DCDC1: variants seen among roughly 807,000 people sequenced by gnomAD.
DCDC1 encodes the protein doublecortin domain-containing protein 1.
Under a neutral mutation model 178.3 loss-of-function variants are expected in DCDC1, and 200 were observed. That is an observed-to-expected ratio of 1.12 (90% CI 1.00 to 1.26). The LOEUF (loss-of-function observed/expected upper bound fraction) is 1.26. DCDC1 is among the 50% of genes most tolerant of loss of function. The pLI is 0.00. For synonymous variants in DCDC1, 690 were observed against 604.8 expected, an observed-to-expected ratio of 1.14 and a Z score of -2.07; for missense variants, 1,983 against 1,749.2, an observed-to-expected ratio of 1.13 and a Z score of -2.38.
intron 9 of DCDC1, among the ~76,000 whole-genome samples, chr11:31,215,554 G>A (rs562304555): frequency 6.6e-6 from 1 of 151,244 alleles, no homozygotes; most frequent in Non-Finnish European, 1.5e-5. Context: ...TAGCACTTTG[G>A]GAGGCCAAGG....
Position 30,886,056 on chromosome 11 carries a change from G to A in DCDC1, c.5083-4748C>T, listed in dbSNP as rs577794025. ...TGTTAAATTATATGGGGAAAAAGTGGCAATAAGTGAACAGACCAACTTGTA... is the reference window on the plus strand; with the variant it reads ...TGTTAAATTATATGGGGAAAAAGTGACAATAAGTGAACAGACCAACTTGTA... On this transcript the variant is annotated intron_variant, in intron 36 of 38. Coordinates refer to ENST00000684477, the MANE Select transcript of DCDC1 (RefSeq NM_001387274.1). 4.6e-5 allele frequency among the ~76,000 whole-genome samples: 7 copies of A among 151,980 alleles called. No homozygotes were observed. The South Asian group carries it at 1.0e-3, about 23-fold the overall frequency.
At chr11:31,220,093 C>A (rs1409060009) in intron 9 of DCDC1, among the ~76,000 whole-genome samples, 2 of 152,112 alleles carry the variant, frequency 1.3e-5, no homozygotes, top group African/African-American at 2.4e-5. Flanking sequence ...ATAACAATAA[C>A]CCTATATTCT....
intron 20 of DCDC1, among the ~76,000 whole-genome samples, chr11:30,998,105 G>C (rs891391026): frequency 6.6e-6 from 1 of 151,952 alleles, no homozygotes; most frequent in Non-Finnish European, 1.5e-5. Context: ...ACCAGTCTGG[G>C]CAACATAGTG....
intron 7 of DCDC1, among the ~76,000 whole-genome samples, chr11:31,270,607 CCT>C (rs1945483405): frequency 6.6e-6 from 1 of 152,152 alleles, no homozygotes; most frequent in African/African-American, 2.4e-5. Context: ...TAGGCTTTCC[CCT>C]GAGGTCACTA....
At chr11:31,348,568 A>C (rs756435522) in intron 1 of DCDC1, among the ~76,000 whole-genome samples, 13 of 152,132 alleles carry the variant, frequency 8.5e-5, no homozygotes, top group Non-Finnish European at 7.3e-5. Flanking sequence ...TCACCTATTT[A>C]ATTGCCAGTT....
intron 11 of DCDC1, 84 bp downstream of exon 11, chr11:31,127,385 G>C: frequency 3.6e-6 from 2 of 557,814 alleles, no homozygotes; most frequent in South Asian, 4.8e-5. Flanking sequence ...TTCAAGCTAA[G>C]TGGCATTGTT....
At chr11:30,894,685 T>G (rs1944064223) in intron 34 of DCDC1, among the ~76,000 whole-genome samples, 1 of 152,178 alleles carries the variant, frequency 6.6e-6, no homozygotes, top group Admixed American at 6.6e-5. Context: ...CAGCAGTAAT[T>G]TAGTCAAATA....
intron 8 of DCDC1, among the ~76,000 whole-genome samples, chr11:31,259,690 C>T (rs1944653691): frequency 6.6e-6 from 1 of 152,144 alleles, no homozygotes; most frequent in Non-Finnish European, 1.5e-5. Flanking sequence ...GTCAATTTTT[C>T]CCTCAAGATA....
At position 31,341,432 on chromosome 11, in the gene DCDC1, T is replaced by G. The variant is rs867406527; in HGVS notation, c.-124-5868A>C. Among the ~76,000 whole-genome samples the G allele has an allele frequency of 3.6e-5, 5 of 139,536 alleles. No homozygotes were observed. In the South Asian group the frequency reaches 1.1e-3, roughly 32 times the overall value. The allele number at this position is 139,536 out of a possible 152,430, so 91.5% of individuals were successfully genotyped here. Reference sequence around the variant, plus strand: ...ATAGATAGATAGATAGATAGATAGATAGATAGACATGTGTTGCTTAACAAC... The same window carrying G: ...ATAGATAGATAGATAGATAGATAGAGAGATAGACATGTGTTGCTTAACAAC... On this transcript the variant is annotated intron_variant, in intron 1 of 38. Coordinates refer to ENST00000684477, the MANE Select transcript of DCDC1 (RefSeq NM_001387274.1).
At chr11:30,945,473 C>T (rs1947958183) in intron 21 of DCDC1, among the ~76,000 whole-genome samples, 1 of 151,808 alleles carries the variant, frequency 6.6e-6, no homozygotes, top group Admixed American at 6.6e-5. Flanking sequence ...GTGGGTGGAT[C>T]ACTTGAGGTC....
intron 28 of DCDC1, 91 bp downstream of exon 28, chr11:30,911,236 T>C (rs536778555): frequency 2.2e-5 from 16 of 712,786 alleles, no homozygotes; most frequent in African/African-American, 2.0e-5. Context: ...TCTATGACAG[T>C]TTTTTTTTTT....
chr11:31,127,497 G>A lies in DCDC1; in HGVS notation c.1457C>T (p.Thr486Met), dbSNP rs75249430. Reference sequence around the variant, plus strand: ...AAGCTGCAGGCCTCCTGGGACAAGCGTGTTTGCTGGAAGGCTTTTAATGTG... The same window carrying A: ...AAGCTGCAGGCCTCCTGGGACAAGCATGTTTGCTGGAAGGCTTTTAATGTG... ...YQHIKSLPAN[T>M]LVPGGLQLKV... The change falls in exon 11 of 39, where the codon ACG becomes ATG. Residue 486 changes from threonine (T) to methionine (M), a missense_variant. Physicochemically the swap from Thr to Met is moderately conservative, Grantham distance 81. Transcript: ENST00000684477. The A allele has an allele frequency of 2.6e-3, 1,859 of 702,568 alleles. 26 individuals are homozygous for A. The African/African-American group carries it at 0.028, about 11-fold the overall frequency. 43.5% of individuals were successfully genotyped at this position (702,568 alleles called of 1,614,324 possible).
intron 29 of DCDC1, among the ~76,000 whole-genome samples, chr11:30,907,327 G>C (rs182741198): frequency 2.3e-4 from 35 of 152,280 alleles, no homozygotes; most frequent in African/African-American, 8.2e-4. Flanking sequence ...AATTGTGGCA[G>C]ATTATTTGTA....
chr11:30,925,524 GT>G, intron 22 of DCDC1, 116 bp from the exon 23 acceptor site: 1 of 872,082 alleles, frequency 1.1e-6, no homozygotes, highest in Non-Finnish European at 1.8e-6. Context: ...CTGCAGGACT[GT>G]TAGTCATGAG....
intron 7 of DCDC1, among the ~76,000 whole-genome samples, chr11:31,281,418 C>T (rs1238223085): frequency 4.0e-5 from 6 of 151,888 alleles, no homozygotes; most frequent in Non-Finnish European, 8.8e-5. Context: ...AAGAAATTCC[C>T]TTCTATTTCA....
At chr11:31,158,093 G>GTTTTATTTTA (rs142820010) in intron 9 of DCDC1, among the ~76,000 whole-genome samples, 2 of 138,716 alleles carry the variant, frequency 1.4e-5, no homozygotes, top group Admixed American at 7.0e-5. Context: ...ACAAAACATT[G>GTTTTATTTTA]TTTTATTTTA....
At chr11:30,933,900 C>A (rs1947096440) in intron 21 of DCDC1, among the ~76,000 whole-genome samples, 2 of 152,198 alleles carry the variant, frequency 1.3e-5, no homozygotes, top group African/African-American at 4.8e-5. Context: ...GAGTTGTCAG[C>A]CCTTATAAAG....
At chr11:31,070,581 T>A (rs1406901378) in intron 18 of DCDC1, among the ~76,000 whole-genome samples, 1 of 152,184 alleles carries the variant, frequency 6.6e-6, no homozygotes, top group Non-Finnish European at 1.5e-5. Flanking sequence ...CCAGCTATGC[T>A]ATTTACTGGC....
At chr11:31,006,903 G>A (rs547731674) in intron 20 of DCDC1, among the ~76,000 whole-genome samples, 6 of 152,138 alleles carry the variant, frequency 3.9e-5, no homozygotes, top group East Asian at 3.9e-4. Context: ...AGTCATTTAG[G>A]TTTAGAATCT....
Sources: gnomAD v4.1 joint callset for allele counts (sites outside exome capture counted in the v4.1 genomes callset) on GRCh38, gnomAD v4.1.1 for gene constraint, MANE v1.5 for transcripts, NCBI Gene and HGNC (gene_info 2026-07-23, HGNC 2026-07-21) for gene names.